ZZEF1: variants seen among roughly 807,000 people sequenced by gnomAD.
ZZEF1 encodes zinc finger ZZ-type and EF-hand domain-containing protein 1.
In ZZEF1, 157 loss-of-function variants were observed where a neutral mutation model predicts 342.8. The ratio of observed to expected loss-of-function variants is 0.46; its 90% CI spans 0.40 to 0.52. The LOEUF (loss-of-function observed/expected upper bound fraction) is 0.52. Ranked by LOEUF, ZZEF1 falls within the 20% of genes least tolerant of loss-of-function variation. ZZEF1 has a pLI of 0.00. For synonymous variants in ZZEF1, 1,505 were observed against 1,429.1 expected (o/e 1.05, Z -1.20); for missense variants, 3,480 against 3,725.6 (o/e 0.93, Z 1.72).
intron 37 of ZZEF1, among the ~76,000 whole-genome samples, chr17:4,046,123 G>A (rs376166413): frequency 2.0e-5 from 3 of 152,096 alleles, no homozygotes; most frequent in East Asian, 1.9e-4. Context: ...CACCACGCCC[G>A]GCCTCTTTAT....
At chr17:4,047,137 G>A (rs2056934491) in intron 37 of ZZEF1, among the ~76,000 whole-genome samples, 1 of 152,106 alleles carries the variant, frequency 6.6e-6, no homozygotes, top group Non-Finnish European at 1.5e-5. Flanking sequence ...TCAAAAGGTG[G>A]GAATGGCTCA....
intron 39 of ZZEF1, among the ~76,000 whole-genome samples, chr17:4,036,630 G>C (rs2145079705): frequency 6.6e-6 from 1 of 151,924 alleles, no homozygotes; most frequent in East Asian, 1.9e-4. Flanking sequence ...TACTAGGAAG[G>C]CTGAGGCAGG....
intron 54 of ZZEF1, 76 bp from the exon 55 acceptor site, chr17:4,007,046 C>T (rs2055817294): frequency 7.6e-7 from 1 of 1,315,738 alleles, no homozygotes; most frequent in Non-Finnish European, 1.0e-6. Flanking sequence ...AGACCCTCAG[C>T]TGAGCACTGA....
chr17:4,128,616 C>A (rs999519346), intron 1 of ZZEF1, among the ~76,000 whole-genome samples: 4 of 151,560 alleles, frequency 2.6e-5, no homozygotes, highest in Non-Finnish European at 4.4e-5. Context: ...TGCACCACCA[C>A]ACCTGGCTAA....
In ZZEF1 at chr17:4,064,817, A is replaced by G. The variant is rs1331305377; in HGVS notation, c.4262T>C (p.Ile1421Thr). The G allele has an allele frequency of 6.4e-7, 1 of 1,555,058 alleles. No homozygotes were observed. The highest frequency in any genetic ancestry group is 2.3e-5 in the East Asian group (1 of 42,598). The change falls in exon 29 of 55, where the codon ATT becomes ACT. Residue 1421 changes from isoleucine to threonine, a missense_variant. By Grantham distance (89) the Ile-to-Thr change is moderately conservative. Transcript: ENST00000381638. ...TTTTAGTAATAGAAGACTCTTCTCA[A>G]TGCACTCTTTTGCTAGATGCAAACA... The part of the protein sequence containing the change: ...VNPESLAKEC[I>T]EKSLLLLKFL...
intron 1 of ZZEF1, among the ~76,000 whole-genome samples, chr17:4,135,242 AAGGC>A (rs2058729917): frequency 6.6e-6 from 1 of 152,174 alleles, no homozygotes; most frequent in African/African-American, 2.4e-5. Flanking sequence ...TCGGGAGCCC[AAGGC>A]AGTAGGATTG....
At chr17:4,053,854 A>G (rs1225319626) in intron 34 of ZZEF1, among the ~76,000 whole-genome samples, 1 of 152,248 alleles carries the variant, frequency 6.6e-6, no homozygotes, top group African/African-American at 2.4e-5. Flanking sequence ...GCATGATAGA[A>G]GAAGGAAGCA....
At position 4,075,156 on chromosome 17, in the gene ZZEF1, C is replaced by T. The variant is rs773769689; in HGVS notation, c.3424G>A (p.Asp1142Asn). ...EKRYDYLEFT[D>N]ARGRKTRYDT... is the part of the protein sequence containing the mutation. ...TAGCGTGTTTTCCGACCTCTAGCGTCGGTAAATTCCAGATAATCATACCTG... is the reference window on the plus strand; with the variant it reads ...TAGCGTGTTTTCCGACCTCTAGCGTTGGTAAATTCCAGATAATCATACCTG... Residue 1142 changes from aspartate to asparagine, a missense_variant, in exon 23 of 55, where the codon GAC becomes AAC. Coordinates refer to ENST00000381638, the MANE Select transcript of ZZEF1 (RefSeq NM_015113.4). The T allele has an allele frequency of 5.6e-6, 9 of 1,614,190 alleles. No homozygotes were observed. The highest frequency in any genetic ancestry group is 7.6e-6 in the Non-Finnish European group (9 of 1,180,028).
chr17:4,141,441 C>A (rs1038982021), intron 1 of ZZEF1, among the ~76,000 whole-genome samples: 7 of 152,164 alleles, frequency 4.6e-5, no homozygotes, highest in African/African-American at 1.7e-4. Context: ...GACTGGCTAA[C>A]TCATTTTCAC....
At position 4,082,420 on chromosome 17, in the gene ZZEF1, A is replaced by AAG; in HGVS notation, c.2714+15_2714+16dup. ...AGATTTGAGTTATCCGACAATTAAA[A>AAG]AGAACGATCAGCTTACCTAAAATAC... On this transcript the variant is annotated intron_variant, in intron 17 of 54. Coordinates refer to ENST00000381638, the MANE Select transcript of ZZEF1 (RefSeq NM_015113.4). 6.2e-7 allele frequency: 1 copy of AAG among 1,613,464 alleles called. No individual in the cohort carries two copies. The highest frequency in any genetic ancestry group is 8.5e-7 in the Non-Finnish European group (1 of 1,179,500).
In ZZEF1 at chr17:4,127,864, G is replaced by A. The variant is rs139831312; in HGVS notation, c.355-3813C>T. On this transcript the variant is annotated intron_variant, in intron 1 of 54. Coordinates refer to ENST00000381638, the MANE Select transcript of ZZEF1 (RefSeq NM_015113.4). ...GGGGAACCTGGTAAACTCAGGGAAC[G>A]CACCTATAGCCGCCAACACTGGGGA... Among the ~76,000 whole-genome samples the A allele has an allele frequency of 4.1e-3, 629 of 152,256 alleles. 13 individuals carry two copies. Among genetic ancestry groups the A allele is most frequent in the Admixed American group, 0.027 (409 of 15,284 alleles).
At chr17:4,025,681 C>CAAAAA (rs11345281) in intron 42 of ZZEF1, among the ~76,000 whole-genome samples, 1 of 127,302 alleles carries the variant, frequency 7.9e-6, no homozygotes, top group African/African-American at 2.8e-5. Context: ...GACTCCGTCT[C>CAAAAA]AAAAAAAAAA....
In ZZEF1 at chr17:4,086,547, A is replaced by T. The variant is rs756131639; in HGVS notation, c.2451T>A (p.Ala817=). ...DVLAASEEEK[A]PIQSPKGVEA... The stretch of plus-strand genomic sequence containing the variant: ...CTACTCCTTTAGGGCTTTGGATTGG[A>T]GCCTTTTCCTCCTCAGAAGCAGCCA... Residue 817 remains alanine, a synonymous_variant, in exon 15 of 55, where the codon GCT becomes GCA. Coordinates refer to ENST00000381638, the MANE Select transcript of ZZEF1 (RefSeq NM_015113.4). 15 of 1,614,180 alleles carry T rather than the reference A, an allele frequency of 9.3e-6. No individual in the cohort carries two copies. The highest frequency in any genetic ancestry group is 1.1e-5 in the Non-Finnish European group (13 of 1,180,028).
chr17:4,020,944 T>C (rs779563418), intron 45 of ZZEF1, among the ~76,000 whole-genome samples, 185 bp downstream of exon 45: 2 of 152,244 alleles, frequency 1.3e-5, no homozygotes, highest in Non-Finnish European at 2.9e-5. Context: ...TTAAGAACTA[T>C]TGTTGTGGGG....
chr17:4,082,868 C>T (rs1028243004), intron 16 of ZZEF1, among the ~76,000 whole-genome samples: 9 of 152,124 alleles, frequency 5.9e-5, no homozygotes, highest in African/African-American at 9.7e-5. Context: ...TTCTGCCTTC[C>T]GCGTTCAAGC....
At chr17:4,059,077 G>A (rs560169912) in intron 31 of ZZEF1, 94 bp downstream of exon 31, 2 of 1,081,532 alleles carry the variant, frequency 1.8e-6, no homozygotes, top group East Asian at 5.6e-5. Context: ...TATTCTTTGT[G>A]CTTTTTGGTA....
intron 32 of ZZEF1, 41 bp from the exon 33 acceptor site, chr17:4,056,386 A>C: frequency 6.5e-7 from 1 of 1,536,748 alleles, no homozygotes; most frequent in Non-Finnish European, 8.8e-7. Context: ...TGCCTCTCCC[A>C]ATCACCAAGG....
At chr17:4,133,859 C>T (rs1002951194) in intron 1 of ZZEF1, among the ~76,000 whole-genome samples, 1 of 151,822 alleles carries the variant, frequency 6.6e-6, no homozygotes, top group East Asian at 1.9e-4. Flanking sequence ...GTGGCTGGGA[C>T]ATGCTCAGCT....
chr17:4,088,548 C>A, intron 13 of ZZEF1, 130 bp downstream of exon 13: 1 of 968,600 alleles, frequency 1.0e-6, no homozygotes, highest in Non-Finnish European at 1.5e-6. Context: ...TTTTCATGTC[C>A]CTGCAGCAGT....
Sources: allele counts gnomAD v4.1 joint callset (sites outside exome capture counted in the v4.1 genomes callset), GRCh38; gene constraint gnomAD v4.1.1; transcripts MANE v1.5; gene names NCBI Gene and HGNC (gene_info 2026-07-23, HGNC 2026-07-21).